SVIL: variants seen among roughly 807,000 people sequenced by gnomAD.
SVIL encodes the protein supervillin.
A neutral mutation model predicts 240.4 loss-of-function variants in SVIL; 101 were observed. The ratio of observed to expected loss-of-function variants is 0.42; its 90% CI spans 0.36 to 0.50. SVIL has a LOEUF of 0.50. Ranked by LOEUF, SVIL falls within the 20% of genes least tolerant of loss-of-function variation. SVIL has a pLI of 0.01. For missense variants in SVIL, 2,512 were observed against 2,818.7 expected (o/e 0.89, Z 2.46); for synonymous variants, 999 against 1,100.0 (o/e 0.91, Z 1.82).
At chr10:29,478,854 G>T (rs1275838596) in intron 29 of SVIL, among the ~76,000 whole-genome samples, 1 of 149,938 alleles carries the variant, frequency 6.7e-6, no homozygotes, top group Non-Finnish European at 1.5e-5. Context: ...GAGCCTGGGA[G>T]GTCAAGGCTG....
intron 32 of SVIL, among the ~76,000 whole-genome samples, chr10:29,469,683 A>C (rs987770324): frequency 6.6e-6 from 1 of 152,128 alleles, no homozygotes; most frequent in Non-Finnish European, 1.5e-5. Flanking sequence ...ACTCAGTGCT[A>C]TCTCACAGTG....
At chr10:29,664,800 C>T (rs1959200600) in intron 2 of SVIL, among the ~76,000 whole-genome samples, 1 of 151,980 alleles carries the variant, frequency 6.6e-6, no homozygotes, top group Non-Finnish European at 1.5e-5. Flanking sequence ...CAGAATGCAA[C>T]ATTTCAACAT....
chr10:29,509,358 A>AGAGAG (rs1554828021), intron 17 of SVIL, among the ~76,000 whole-genome samples: 8,963 of 128,822 alleles, frequency 0.07, 630 homozygotes, highest in Admixed American at 0.12. Context: ...AGAGAGAGAG[A>AGAGAG]GAGAGAGAGA....
chr10:29,539,376 A>G (rs1176293048), intron 6 of SVIL, among the ~76,000 whole-genome samples: 2 of 152,212 alleles, frequency 1.3e-5, no homozygotes, highest in Non-Finnish European at 2.9e-5. Context: ...GATTTTCAGC[A>G]GGGTGAGTCC....
chr10:29,570,729 C>G (rs968118210), intron 1 of SVIL, among the ~76,000 whole-genome samples: 2 of 152,206 alleles, frequency 1.3e-5, no homozygotes, highest in Non-Finnish European at 2.9e-5. Flanking sequence ...ATTTTTCCTA[C>G]AAAAAGGTTT....
chr10:29,642,455 G>GAAAT (rs1958519199), intron 3 of SVIL, among the ~76,000 whole-genome samples: 1 of 100,750 alleles, frequency 9.9e-6, no homozygotes, highest in African/African-American at 4.8e-5. Context: ...AAGAAAGAAA[G>GAAAT]AAAGAAAGAA....
chr10:29,479,970 T>C (rs574685899), intron 29 of SVIL, among the ~76,000 whole-genome samples: 96 of 152,244 alleles, frequency 6.3e-4, no homozygotes, highest in Non-Finnish European at 1.1e-3. Flanking sequence ...TGTTTTGCAA[T>C]GGGGTCCGTC....
At chr10:29,509,324 GGGGAGGGAGAGAGA>G (rs1250114241) in intron 17 of SVIL, among the ~76,000 whole-genome samples, 3 of 79,812 alleles carry the variant, frequency 3.8e-5, no homozygotes, top group African/African-American at 1.2e-4. Flanking sequence ...GGAGAAGGAG[GGGGAGGGAGAGAGA>G]GAGAGAGAGA....
intron 1 of SVIL, among the ~76,000 whole-genome samples, chr10:29,611,813 A>G (rs1314194567): frequency 6.6e-6 from 1 of 152,126 alleles, no homozygotes; most frequent in Non-Finnish European, 1.5e-5. Flanking sequence ...ACTGGAGCCA[A>G]CTGGTTCCCT....
chr10:29,681,645 T>C (rs547958918), intron 2 of SVIL, among the ~76,000 whole-genome samples: 1 of 152,282 alleles, frequency 6.6e-6, no homozygotes, highest in Admixed American at 6.5e-5. Flanking sequence ...TGCCTATCTC[T>C]TTCCTAATGA....
At chr10:29,500,556 T>C (rs2132438393) in intron 17 of SVIL, among the ~76,000 whole-genome samples, 1 of 152,276 alleles carries the variant, frequency 6.6e-6, no homozygotes, top group East Asian at 1.9e-4. Context: ...CGCATCCGCT[T>C]TCAAACTACA....
intron 30 of SVIL, among the ~76,000 whole-genome samples, chr10:29,472,150 A>G (rs1945654273): frequency 6.6e-6 from 1 of 152,226 alleles, no homozygotes; most frequent in African/African-American, 2.4e-5. Context: ...TTTTCCATCC[A>G]CTGGATTGGT....
chr10:29,706,081 C>T (rs781359475), intron 1 of SVIL, among the ~76,000 whole-genome samples: 16 of 152,114 alleles, frequency 1.1e-4, no homozygotes, highest in Non-Finnish European at 1.9e-4. Context: ...TGGGTTGGTT[C>T]CATGTCTTTG....
At position 29,565,305 on chromosome 10, in the gene SVIL, C is replaced by T. The variant is rs557722342; in HGVS notation, c.-142-2013G>A. 3.7e-4 allele frequency among the ~76,000 whole-genome samples: 57 copies of T among 152,292 alleles called. 1 individual carries two copies. The South Asian group carries it at 0.012, about 31-fold the overall frequency. ...CAGAGTGAGCTTTACGAGTCATCAC[C>T]GGACACTCCCTGGCTTCACAGGCAC... On this transcript the variant is annotated intron_variant, in intron 2 of 37. Transcript: ENST00000355867.
chr10:29,480,708 A>G lies in SVIL; in HGVS notation c.5206T>C (p.Tyr1736His), dbSNP rs1314716460. The change falls in exon 29 of 38, where the codon TAT becomes CAT. Residue 1736 changes from tyrosine (Y) to histidine (H), a missense_variant. By Grantham distance (83) the Tyr-to-His change is moderately conservative. Around this residue, in one of 3 missense-constraint regions of SVIL, gnomAD observed 797 missense variants for 925.3 expected, o/e 0.86. Transcript: ENST00000355867. Reference protein sequence around the residue: ...ILDGVNVGRGYGLVEGHDRRQ... With the variant: ...ILDGVNVGRGHGLVEGHDRRQ... ...CTGTCGTGTCCTTCCACCAGGCCATAGCCACGGCCGACGTTCACTCCGTCC... is the reference window on the plus strand; with the variant it reads ...CTGTCGTGTCCTTCCACCAGGCCATGGCCACGGCCGACGTTCACTCCGTCC... 1.2e-6 allele frequency: 2 copies of G among 1,614,138 alleles called. No homozygotes were observed. Among genetic ancestry groups the G allele is most frequent in the Non-Finnish European group, 1.7e-6 (2 of 1,180,022 alleles).
chr10:29,528,358 A>G (rs545928877), intron 12 of SVIL, among the ~76,000 whole-genome samples: 256 of 152,326 alleles, frequency 1.7e-3, no homozygotes, highest in Admixed American at 2.6e-3. Context: ...TGGGATGTCA[A>G]TAACCTAATG....
chr10:29,599,148 G>GA (rs920111152), intron 1 of SVIL, among the ~76,000 whole-genome samples: 19 of 151,214 alleles, frequency 1.3e-4, no homozygotes, highest in African/African-American at 3.2e-4. Flanking sequence ...ATCTGGCAAA[G>GA]AAAAAAAAAT....
Position 29,660,183 on chromosome 10 carries a change from C to T in SVIL, c.-300-2115G>A, listed in dbSNP as rs562484135. Among the ~76,000 whole-genome samples, 4 of 152,106 alleles carry T rather than the reference C, an allele frequency of 2.6e-5. No individual in the cohort carries two copies. The East Asian group carries it at 7.7e-4, about 29-fold the overall frequency. ...AAAAATTAAAAATTAGCTGGGCCTG[C>T]CTATGGTCCCAGCTACCCAACAGGC... On this transcript the variant is annotated intron_variant, in intron 2 of 35. Coordinates refer to the SVIL transcript ENST00000375400.
chr10:29,617,946 T>C (rs1253165079), intron 1 of SVIL, among the ~76,000 whole-genome samples: 1 of 152,174 alleles, frequency 6.6e-6, no homozygotes, highest in Non-Finnish European at 1.5e-5. Flanking sequence ...GGTTTTCAAG[T>C]CCTAAAGTAC....
Sources: gnomAD v4.1 joint callset for allele counts (sites outside exome capture counted in the v4.1 genomes callset) on GRCh38, gnomAD v4.1.1 for gene constraint, gnomAD v4.1.1 regional missense constraint, MANE v1.5 for transcripts, NCBI Gene and HGNC (gene_info 2026-07-23, HGNC 2026-07-21) for gene names.